ATXN7L1: variants seen among roughly 807,000 people sequenced by gnomAD.
The protein encoded by ATXN7L1 is ataxin-7-like protein 1.
In ATXN7L1, 15 loss-of-function variants were observed where a neutral mutation model predicts 70.8. The observed-to-expected ratio is 0.21, with a 90% CI of 0.14 to 0.33. The LOEUF (loss-of-function observed/expected upper bound fraction) is 0.33, where lower values mean the gene tolerates loss of function less well. Ranked by LOEUF, ATXN7L1 falls within the 10% of genes least tolerant of loss-of-function variation. The pLI is 1.00. For missense variants in ATXN7L1, 975 were observed against 1,097.1 expected, an observed-to-expected ratio of 0.89 and a Z score of 1.57; for synonymous variants, 440 against 445.1, an observed-to-expected ratio of 0.99 and a Z score of 0.14.
At chr7:105,785,612 T>C (rs492857) in intron 3 of ATXN7L1, among the ~76,000 whole-genome samples, 3 of 152,164 alleles carry the variant, frequency 2.0e-5, no homozygotes, top group Non-Finnish European at 4.4e-5. Context: ...AAAAGAATAT[T>C]GCTATGGACT....
chr7:105,862,754 C>T (rs1186013199), intron 2 of ATXN7L1, among the ~76,000 whole-genome samples: 1 of 152,124 alleles, frequency 6.6e-6, no homozygotes, highest in African/African-American at 2.4e-5. Context: ...CTGGGACCAG[C>T]AGGGCAATCA....
chr7:105,822,343 C>T (rs1284333273), intron 2 of ATXN7L1, among the ~76,000 whole-genome samples: 3 of 152,176 alleles, frequency 2.0e-5, no homozygotes, highest in African/African-American at 7.2e-5. Context: ...AAGGTGCTCT[C>T]CTGTGAATGG....
chr7:105,744,346 G>A (rs575122948), intron 3 of ATXN7L1, among the ~76,000 whole-genome samples: 211 of 152,196 alleles, frequency 1.4e-3, no homozygotes, highest in Non-Finnish European at 1.7e-3. Context: ...GACTAAATCC[G>A]CTAGGGAGAG....
chr7:105,861,110 C>T (rs547572647), intron 2 of ATXN7L1, among the ~76,000 whole-genome samples: 1 of 152,120 alleles, frequency 6.6e-6, no homozygotes. Context: ...AAGGGGAAGA[C>T]ACTAGATGCA....
chr7:105,867,596 C>G (rs1288542090), intron 2 of ATXN7L1, among the ~76,000 whole-genome samples: 1 of 152,220 alleles, frequency 6.6e-6, no homozygotes, highest in Non-Finnish European at 1.5e-5. Flanking sequence ...CGAGGCTTCT[C>G]TCTCTTTAGA....
rs562525236 is a variant in ATXN7L1 at position 105,764,242 on chromosome 7, C to T, written c.355+24362G>A. Among the ~76,000 whole-genome samples the T allele has an allele frequency of 5.3e-5, 8 of 151,206 alleles. No individual in the cohort carries two copies. In the South Asian group the frequency reaches 1.0e-3, roughly 20 times the overall value. On this transcript the variant is annotated intron_variant, in intron 3 of 11. Transcript: ENST00000419735. ...TTTTACAAAATCAATCTCAGTTTAA[C>T]GGAGCAAAATCAGACAGAGATAGAT...
At position 105,638,433 on chromosome 7, in the gene ATXN7L1, T is replaced by C. The variant is rs1797696737; in HGVS notation, c.1122A>G (p.Leu374=). The C allele has an allele frequency of 1.9e-6, 3 of 1,552,344 alleles. No individual in the cohort carries two copies. Among genetic ancestry groups the C allele is most frequent in the African/African-American group, 1.4e-5 (1 of 73,164 alleles). Residue 374 remains leucine (L), a synonymous_variant, in exon 7 of 12, where the codon CTA becomes CTG. Transcript: ENST00000419735. ...SQSGPAQDSL[L]GSSGSSGPEP... ...CTGGCCCAGAGCTCCCTGAAGACCC[T>C]AGCAGAGAATCCTGTGCCGGCCCGG...
chr7:105,829,665 A>G (rs1211152035), intron 2 of ATXN7L1, among the ~76,000 whole-genome samples: 2 of 152,224 alleles, frequency 1.3e-5, no homozygotes, highest in African/African-American at 2.4e-5. Flanking sequence ...AACGTAACCA[A>G]AATCATAGAT....
chr7:105,867,153 C>A (rs1307751916), intron 2 of ATXN7L1, among the ~76,000 whole-genome samples: 1 of 152,148 alleles, frequency 6.6e-6, no homozygotes, highest in Non-Finnish European at 1.5e-5. Context: ...CTGCAGACCA[C>A]CTGGCACACA....
intron 3 of ATXN7L1, among the ~76,000 whole-genome samples, chr7:105,713,016 G>A (rs985660163): frequency 4.6e-5 from 7 of 152,218 alleles, no homozygotes; most frequent in African/African-American, 7.2e-5. Flanking sequence ...AACAGGAAGC[G>A]TGACTGGGAG....
At chr7:105,781,186 C>T (rs975342528) in intron 3 of ATXN7L1, among the ~76,000 whole-genome samples, 1 of 152,102 alleles carries the variant, frequency 6.6e-6, no homozygotes, top group African/African-American at 2.4e-5. Context: ...TCCACAGTGC[C>T]CATGCTGAGA....
At chr7:105,796,287 G>A (rs1003057529) in intron 2 of ATXN7L1, among the ~76,000 whole-genome samples, 1 of 152,198 alleles carries the variant, frequency 6.6e-6, no homozygotes, top group Non-Finnish European at 1.5e-5. Context: ...AGCTTGAACC[G>A]TGAGGCGGAG....
At chr7:105,731,798 G>GAAAAGAAAAGAAAAGAAAAGAAAAGAA (rs1563046515) in intron 3 of ATXN7L1, among the ~76,000 whole-genome samples, 96 of 151,554 alleles carry the variant, frequency 6.3e-4, no homozygotes, top group African/African-American at 2.1e-3. Context: ...GAAAAGAAAA[G>GAAAAGAAAAGAAAAGAAAAGAAAAGAA]AAAAGAAAAC....
intron 2 of ATXN7L1, among the ~76,000 whole-genome samples, chr7:105,789,960 T>C (rs529522801): frequency 3.9e-5 from 6 of 152,154 alleles, no homozygotes; most frequent in Admixed American, 3.3e-4. Flanking sequence ...CCACAGAACA[T>C]TATCCATCCA....
At chr7:105,613,169 A>C (rs1172029410) in intron 10 of ATXN7L1, among the ~76,000 whole-genome samples, 1 of 152,232 alleles carries the variant, frequency 6.6e-6, no homozygotes, top group Non-Finnish European at 1.5e-5. Flanking sequence ...CTCAAGGGAA[A>C]GAAACATGTA....
intron 3 of ATXN7L1, chr7:105,760,273 TA>T (rs1407694009): frequency 7.2e-6 from 7 of 972,068 alleles, no homozygotes; most frequent in Non-Finnish European, 8.6e-6. Context: ...GTTTTACAGT[TA>T]AAAAAATGCT....
At chr7:105,657,906 C>G (rs1800935035) in intron 4 of ATXN7L1, among the ~76,000 whole-genome samples, 1 of 151,638 alleles carries the variant, frequency 6.6e-6, no homozygotes, top group Admixed American at 6.6e-5. Context: ...TTTTATGAAA[C>G]CTAAAAATGG....
chr7:105,708,039 G>A (rs779706741), intron 3 of ATXN7L1, among the ~76,000 whole-genome samples: 11 of 152,206 alleles, frequency 7.2e-5, no homozygotes, highest in Admixed American at 3.3e-4. Context: ...AATAAAATAC[G>A]TGGCTGCTGT....
At chr7:105,763,447 T>C (rs1208012786) in intron 3 of ATXN7L1, among the ~76,000 whole-genome samples, 3 of 152,194 alleles carry the variant, frequency 2.0e-5, no homozygotes, top group Non-Finnish European at 2.9e-5. Flanking sequence ...GAATGACTTT[T>C]TTGCAGAGGG....
Sources: gnomAD v4.1 joint callset for allele counts (sites outside exome capture counted in the v4.1 genomes callset) on GRCh38, gnomAD v4.1.1 for gene constraint, MANE v1.5 for transcripts, NCBI Gene and HGNC (gene_info 2026-07-23, HGNC 2026-07-21) for gene names.